The following CFAP299 variants were observed in gnomAD, a reference collection of about 807,000 sequenced individuals.
CFAP299 encodes cilia and flagella associated protein 299, also known as cilia- and flagella-associated protein 299.
A neutral mutation model predicts 27.0 loss-of-function variants in CFAP299; 21 were observed. The observed-to-expected ratio is 0.78, with a 90% CI of 0.55 to 1.12. CFAP299 has a LOEUF of 1.12. Among genes scored for constraint, CFAP299 ranks in the 50% most tolerant of loss-of-function variants. The probability of loss-of-function intolerance (pLI) is 0.00; values close to 1 mark genes in which losing one functional copy is unlikely to be tolerated. For synonymous variants in CFAP299, 104 were observed against 98.1 expected, an observed-to-expected ratio of 1.06 and a Z score of -0.36; for missense variants, 310 against 276.6, an observed-to-expected ratio of 1.12 and a Z score of -0.86.
At chr4:80,391,826 G>A (rs1427419403) in intron 2 of CFAP299, among the ~76,000 whole-genome samples, 1 of 152,066 alleles carries the variant, frequency 6.6e-6, no homozygotes, top group African/African-American at 2.4e-5. Flanking sequence ...AATTAGCCAG[G>A]CATGGTGGGA....
At chr4:80,472,637 C>A (rs1730063412) in intron 2 of CFAP299, among the ~76,000 whole-genome samples, 1 of 152,156 alleles carries the variant, frequency 6.6e-6, no homozygotes, top group South Asian at 2.1e-4. Context: ...ACACGTAGGA[C>A]AGTCGAGTGG....
At chr4:80,392,669 G>T (rs1318435248) in intron 2 of CFAP299, among the ~76,000 whole-genome samples, 1 of 152,070 alleles carries the variant, frequency 6.6e-6, no homozygotes, top group Admixed American at 6.6e-5. Flanking sequence ...ACGCTGAGCT[G>T]TGAGTCAATT....
chr4:80,388,154 G>T (rs992341792), intron 2 of CFAP299: 5 of 668,312 alleles, frequency 7.5e-6, no homozygotes, highest in Middle Eastern at 3.8e-4. Context: ...GTGGGGTGGA[G>T]GTGGTGAGGG....
intron 3 of CFAP299, among the ~76,000 whole-genome samples, chr4:80,637,119 T>C (rs1739491679): frequency 6.6e-6 from 1 of 152,208 alleles, no homozygotes; most frequent in African/African-American, 2.4e-5. Flanking sequence ...TATCATAAAT[T>C]ACTTTTGTTC....
chr4:80,341,467 C>T (rs1254725923), intron 1 of CFAP299, among the ~76,000 whole-genome samples: 1 of 152,146 alleles, frequency 6.6e-6, no homozygotes, highest in Non-Finnish European at 1.5e-5. Context: ...TGGGATGGAG[C>T]TCCCGGAGGA....
intron 3 of CFAP299, among the ~76,000 whole-genome samples, chr4:80,652,560 A>G (rs1013438792): frequency 4.0e-4 from 61 of 152,254 alleles, no homozygotes; most frequent in Non-Finnish European, 6.0e-4. Context: ...TTGTTTGAAT[A>G]GGATATTGAA....
intron 5 of CFAP299, among the ~76,000 whole-genome samples, chr4:80,951,787 C>A (rs1382611699): frequency 6.6e-6 from 1 of 152,158 alleles, no homozygotes; most frequent in Non-Finnish European, 1.5e-5. Flanking sequence ...ATAAAGCTAT[C>A]AAACTTCATT....
chr4:80,462,231 C>T (rs1005019313), intron 2 of CFAP299, among the ~76,000 whole-genome samples: 6 of 152,124 alleles, frequency 3.9e-5, no homozygotes, highest in South Asian at 2.1e-4. Flanking sequence ...AGTATATAGT[C>T]AGTCAATTCT....
intron 5 of CFAP299, among the ~76,000 whole-genome samples, chr4:80,945,761 G>A (rs1037352836): frequency 6.6e-6 from 1 of 151,920 alleles, no homozygotes; most frequent in African/African-American, 2.4e-5. Context: ...AGGAAAGGGG[G>A]GTCAGGTTAT....
At chr4:80,787,016 G>T (rs948298912) in intron 3 of CFAP299, among the ~76,000 whole-genome samples, 1 of 151,750 alleles carries the variant, frequency 6.6e-6, no homozygotes, top group African/African-American at 2.4e-5. Context: ...TCAGAGATTT[G>T]TCCCAATAAA....
intron 2 of CFAP299, among the ~76,000 whole-genome samples, chr4:80,383,735 C>G (rs1435418424): frequency 6.6e-6 from 1 of 152,104 alleles, no homozygotes; most frequent in Non-Finnish European, 1.5e-5. Context: ...CAAAGTTTAT[C>G]TTTCATTATT....
At chr4:80,706,527 A>G (rs1425635053) in intron 3 of CFAP299, among the ~76,000 whole-genome samples, 1 of 151,864 alleles carries the variant, frequency 6.6e-6, no homozygotes, top group African/African-American at 2.4e-5. Flanking sequence ...TGATAATCAT[A>G]GTCATTGATA....
chr4:80,562,124 C>A (rs886884833), intron 2 of CFAP299, among the ~76,000 whole-genome samples: 1 of 151,768 alleles, frequency 6.6e-6, no homozygotes, highest in Non-Finnish European at 1.5e-5. Context: ...ATAGTAACCT[C>A]AAGTAAAAAA....
intron 2 of CFAP299, among the ~76,000 whole-genome samples, chr4:80,414,317 G>C (rs377228265): frequency 2.0e-5 from 3 of 151,668 alleles, no homozygotes; most frequent in African/African-American, 4.8e-5. Context: ...TGATCCGCCC[G>C]CCTCGGCCTC....
chr4:80,731,362 G>A (rs1408589171), intron 3 of CFAP299, among the ~76,000 whole-genome samples: 1 of 152,072 alleles, frequency 6.6e-6, no homozygotes, highest in African/African-American at 2.4e-5. Context: ...ATGCCCCTTG[G>A]CAATTTTTCC....
chr4:80,854,315 T>A (rs569157799), intron 3 of CFAP299, among the ~76,000 whole-genome samples: 1 of 150,782 alleles, frequency 6.6e-6, no homozygotes, highest in South Asian at 2.1e-4. Flanking sequence ...TGCAGGAAAA[T>A]GACTGTAATA....
chr4:80,338,738 C>T (rs1160316755), intron 1 of CFAP299, among the ~76,000 whole-genome samples: 4 of 152,248 alleles, frequency 2.6e-5, no homozygotes, highest in East Asian at 1.9e-4. Flanking sequence ...TAGACTTGAC[C>T]TCAGAAACCT....
intron 5 of CFAP299, among the ~76,000 whole-genome samples, chr4:80,950,577 G>C (rs1283470973): frequency 6.6e-6 from 1 of 152,106 alleles, no homozygotes; most frequent in African/African-American, 2.4e-5. Context: ...TGTTCTGATA[G>C]GAAGAAAAAC....
intron 2 of CFAP299, among the ~76,000 whole-genome samples, chr4:80,560,289 G>A (rs142702342): frequency 2.6e-5 from 4 of 152,154 alleles, no homozygotes; most frequent in East Asian, 3.9e-4. Context: ...AAGAGCCCCT[G>A]GGCTCTGAAT....
Sources: gnomAD v4.1 joint callset for allele counts (sites outside exome capture counted in the v4.1 genomes callset) on GRCh38, gnomAD v4.1.1 for gene constraint, MANE v1.5 for transcripts, NCBI Gene and HGNC (gene_info 2026-07-23, HGNC 2026-07-21) for gene names.